Variants in ZNF99 observed in about 807,000 individuals in gnomAD.
ZNF99 encodes the protein zinc finger protein 99.
In ZNF99, 8 loss-of-function variants were observed where a neutral mutation model predicts 12.8. The observed-to-expected ratio is 0.62, with a 90% confidence interval of 0.37 to 1.13. The LOEUF is 1.13. Ranked by LOEUF, ZNF99 falls within the 50% of genes most tolerant of loss-of-function variation. The pLI is 0.02. For synonymous variants in ZNF99, 318 were observed against 319.0 expected (o/e 1.00, Z 0.03); for missense variants, 1,007 against 1,006.2 (o/e 1.00, Z -0.01).
Position 22,756,449 on chromosome 19 carries a change from A to G in ZNF99, c.*865T>C, listed in dbSNP as rs778727979. On this transcript the variant is annotated 3_prime_UTR_variant, in exon 4 of 4. Coordinates refer to ENST00000596209, the MANE Select transcript of ZNF99 (RefSeq NM_001080409.3). ...CTAAATGCTTTACCACACTCTTCAC[A>G]TTTGTAGGGTTTCTTTCCAGTATGA... 6 of 1,587,932 alleles carry G rather than the reference A, an allele frequency of 3.8e-6. No individual in the cohort carries two copies. The Admixed American group carries it at 1.0e-4, about 27-fold the overall frequency.
At chr19:22,775,305 T>A (rs1003178478) in intron 1 of ZNF99, among the ~76,000 whole-genome samples, 1 of 152,144 alleles carries the variant, frequency 6.6e-6, no homozygotes, top group African/African-American at 2.4e-5. Flanking sequence ...AAGAGGAATG[T>A]GGGAAGAAAT....
chr19:22,753,855 A>C lies in ZNF99; in HGVS notation c.*3459T>G, dbSNP rs969586768. 11 of 304,796 alleles carry C rather than the reference A, an allele frequency of 3.6e-5. No individual in the cohort carries two copies. Among genetic ancestry groups the C allele is most frequent in the African/African-American group, 2.4e-4 (11 of 45,440 alleles). 18.9% of individuals were successfully genotyped at this position (304,796 alleles called of 1,614,324 possible). ...GAGTATTGGTTAAATATTTTGCCAC[A>C]TTCTTCATAGTTTTCTCTAGGATAA... On this transcript the variant is annotated 3_prime_UTR_variant, in exon 4 of 4. Transcript: ENST00000596209.
chr19:22,771,241 ATTTTCTTTTTTTTTTTTT>A (rs1973265507), intron 1 of ZNF99: 2 of 89,040 alleles, frequency 2.2e-5, no homozygotes, highest in African/African-American at 9.2e-5. Flanking sequence ...TTTAAAAAGC[ATTTTCTTTTTTTTTTTTT>A]TTTTTTTTTT....
In ZNF99 at chr19:22,757,526, C is replaced by T; in HGVS notation, c.2383G>A (p.Gly795Ser). Residue 795 changes from glycine to serine, a missense_variant, in exon 4 of 4, where the codon GGC becomes AGC. Physicochemically the swap from Gly to Ser is moderately conservative, Grantham distance 56. Transcript: ENST00000596209. ...GKKPYKCEEC[G>S]KAFNNSSTLR... ...GTTGAGGAATTGTTAAAAGCTTTGC[C>T]ACATTCTTCACATTTATAGGGTTTC... 3.1e-6 allele frequency: 5 copies of T among 1,610,682 alleles called. No individual in the cohort carries two copies. Among genetic ancestry groups the T allele is most frequent in the South Asian group, 1.1e-5 (1 of 91,024 alleles).
rs1287571604 is a variant in ZNF99 at position 22,756,443 on chromosome 19, CTT to C, written c.*869_*870del. 3 of 1,588,930 alleles carry C rather than the reference CTT, an allele frequency of 1.9e-6. No homozygotes were observed. The highest frequency in any genetic ancestry group is 2.6e-6 in the Non-Finnish European group (3 of 1,169,604). On this transcript the variant is annotated 3_prime_UTR_variant, in exon 4 of 4. Transcript: ENST00000596209. Reference sequence around the variant, plus strand: ...TGAGGACTAAATGCTTTACCACACTCTTCACATTTGTAGGGTTTCTTTCCAGT... The same window carrying C: ...TGAGGACTAAATGCTTTACCACACTCCACATTTGTAGGGTTTCTTTCCAGT...
intron 1 of ZNF99, among the ~76,000 whole-genome samples, chr19:22,772,863 T>C (rs548795454): frequency 6.6e-6 from 1 of 152,254 alleles, no homozygotes; most frequent in South Asian, 2.1e-4. Flanking sequence ...TAGCAGCAGG[T>C]GTTCCCTGCA....
At chr19:22,765,803 G>C (rs1973197377) in intron 3 of ZNF99, among the ~76,000 whole-genome samples, 2 of 151,880 alleles carry the variant, frequency 1.3e-5, no homozygotes, top group Admixed American at 6.6e-5. Context: ...CCAAAACAGA[G>C]TGAGACTGTG....
rs764507035 is a variant in ZNF99, at chr19:22,757,223, G to A, written c.*91C>T. 1.9e-6 allele frequency: 3 copies of A among 1,587,658 alleles called. No homozygotes were observed. In the East Asian group the frequency reaches 6.9e-5, roughly 36 times the overall value. Reference sequence around the variant, plus strand: ...TTCACATTTGTATGGTTTCTTCCCAGTATAAATTATCTTATGTTTCCTAAG... The same window carrying A: ...TTCACATTTGTATGGTTTCTTCCCAATATAAATTATCTTATGTTTCCTAAG... On this transcript the variant is annotated 3_prime_UTR_variant, in exon 4 of 4. Transcript: ENST00000596209.
chr19:22,772,744 C>A (rs1973286596), intron 1 of ZNF99, among the ~76,000 whole-genome samples: 1 of 150,978 alleles, frequency 6.6e-6, no homozygotes, highest in Non-Finnish European at 1.5e-5. Context: ...ATAAGTTTGA[C>A]AACTAAAAGG....
rs1468428393 is a variant in ZNF99 at position 22,757,235 on chromosome 19, TTA to T, written c.*77_*78del. 5.7e-6 allele frequency: 9 copies of T among 1,588,160 alleles called. No individual in the cohort carries two copies. The highest frequency in any genetic ancestry group is 2.7e-5 in the African/African-American group (2 of 73,282). ...TGGTTTCTTCCCAGTATAAATTATC[TTA>T]TGTTTCCTAAGGGTTGAGGAATTGT... On this transcript the variant is annotated 3_prime_UTR_variant, in exon 4 of 4. Coordinates refer to ENST00000596209, the MANE Select transcript of ZNF99 (RefSeq NM_001080409.3).
chr19:22,782,481 G>A (rs1415092402), intron 1 of ZNF99, among the ~76,000 whole-genome samples: 1 of 150,204 alleles, frequency 6.7e-6, no homozygotes, highest in Admixed American at 6.7e-5. Flanking sequence ...TCAGCCCCAC[G>A]AGTAGCTAGG....
chr19:22,768,482 T>C (rs1973229382), intron 2 of ZNF99, 82 bp from the exon 3 acceptor site: 1 of 1,156,252 alleles, frequency 8.6e-7, no homozygotes, highest in Non-Finnish European at 1.2e-6. Flanking sequence ...TAATAGAATA[T>C]TCTAGTAAAT....
At position 22,759,417 on chromosome 19, in the gene ZNF99, C is replaced by T. The variant is rs1973125013; in HGVS notation, c.492G>A (p.Lys164=). ...AAGTTTTCTTTTTAGTGTGTCTAAT[C>T]TTATATCTATTTGAATTTGAATATT... ...FHKYSNSNRY[K]IRHTKKKTFK... Residue 164 remains lysine, a synonymous_variant, in exon 4 of 4, where the codon AAG becomes AAA. Transcript: ENST00000596209. 6.3e-7 allele frequency: 1 copy of T among 1,578,316 alleles called. No individual in the cohort carries two copies. The highest frequency in any genetic ancestry group is 1.9e-5 in the Admixed American group (1 of 53,838).
In ZNF99 at chr19:22,758,633, T is replaced by C; in HGVS notation, c.1276A>G (p.Lys426Glu). 1 of 1,613,052 alleles carries C rather than the reference T, an allele frequency of 6.2e-7. No homozygotes were observed. The highest frequency in any genetic ancestry group is 1.7e-4 in the Middle Eastern group (1 of 6,054). The change falls in exon 4 of 4, where the codon AAA (lysine) becomes GAA (glutamate). Residue 426 changes from lysine to glutamate, a missense_variant. By Grantham distance (56) the Lys-to-Glu change is moderately conservative. Transcript: ENST00000596209. ...AAAGCTTTGCCACATTCTTCACATT[T>C]GCAGGGTTTCTCTGCAGTATGAATT... ...KVIHTAEKPC[K>E]CEECGKAFKR...
chr19:22,764,725 G>GA (rs1381009224), intron 3 of ZNF99, among the ~76,000 whole-genome samples: 15 of 151,616 alleles, frequency 9.9e-5, no homozygotes, highest in African/African-American at 3.6e-4. Context: ...AGAAACATAT[G>GA]AAAAAATGCT....
In ZNF99 at chr19:22,776,976, T is replaced by C. The variant is rs183821664; in HGVS notation, c.3+7038A>G. Among the ~76,000 whole-genome samples the C allele has an allele frequency of 3.3e-5, 5 of 152,040 alleles. No homozygotes were observed. The East Asian group carries it at 9.7e-4, about 30-fold the overall frequency. On this transcript the variant is annotated intron_variant, in intron 1 of 3. Transcript: ENST00000596209. ...CCCTAAACAACATGGCAAAACCCTA[T>C]GTCAACAAAAAATACAGGAAGAAAA...
chr19:22,768,755 G>A (rs865869818), intron 2 of ZNF99, among the ~76,000 whole-genome samples: 11 of 152,140 alleles, frequency 7.2e-5, no homozygotes, highest in Non-Finnish European at 1.5e-4. Context: ...CTTTCTGGCC[G>A]GGCATGGTGG....
chr19:22,783,517 C>T (rs1488405940), intron 1 of ZNF99, among the ~76,000 whole-genome samples: 1 of 152,118 alleles, frequency 6.6e-6, no homozygotes, highest in Non-Finnish European at 1.5e-5. Flanking sequence ...CCGTCAAATC[C>T]CTTCCATAGA....
intron 3 of ZNF99, among the ~76,000 whole-genome samples, chr19:22,764,670 A>G (rs1239397915): frequency 2.0e-5 from 3 of 152,176 alleles, no homozygotes; most frequent in African/African-American, 7.2e-5. Context: ...AACTGAGCTA[A>G]GGACACAAAT....
Sources: allele counts gnomAD v4.1 joint callset (sites outside exome capture counted in the v4.1 genomes callset), GRCh38; gene constraint gnomAD v4.1.1; transcripts MANE v1.5; gene names NCBI Gene and HGNC (gene_info 2026-07-23, HGNC 2026-07-21).